The following CACNB2 variants were observed in gnomAD, a reference collection of about 807,000 sequenced individuals.
CACNB2 encodes voltage-dependent L-type calcium channel subunit beta-2.
Under a neutral mutation model 73.3 loss-of-function variants are expected in CACNB2, and 42 were observed. The observed-to-expected ratio is 0.57, with a 90% CI of 0.45 to 0.74. The LOEUF (loss-of-function observed/expected upper bound fraction) is 0.74. Among genes scored for constraint, CACNB2 ranks in the 30% least tolerant of loss-of-function variants. CACNB2 has a pLI of 0.00. For synonymous variants in CACNB2, 348 were observed against 310.3 expected (o/e 1.12, Z -1.28); for missense variants, 940 against 853.0 (o/e 1.10, Z -1.27).
chr10:18,222,239 T>A (rs1004152177), intron 2 of CACNB2, among the ~76,000 whole-genome samples: 2 of 152,170 alleles, frequency 1.3e-5, no homozygotes. Flanking sequence ...TTGTGTGAAA[T>A]TCTGTAGGAC....
intron 9 of CACNB2, among the ~76,000 whole-genome samples, chr10:18,525,135 A>G (rs962967556): frequency 8.6e-5 from 13 of 151,316 alleles, no homozygotes; most frequent in African/African-American, 2.9e-4. Flanking sequence ...TAATTTGTCT[A>G]TTTGAATCCC....
At chr10:18,509,079 T>A (rs2050631687) in intron 6 of CACNB2, among the ~76,000 whole-genome samples, 1 of 152,212 alleles carries the variant, frequency 6.6e-6, no homozygotes, top group Non-Finnish European at 1.5e-5. Flanking sequence ...CACTTGGAGC[T>A]ATAACCAACT....
intron 2 of CACNB2, among the ~76,000 whole-genome samples, chr10:18,159,202 T>C (rs1400994904): frequency 6.6e-6 from 1 of 152,038 alleles, no homozygotes; most frequent in South Asian, 2.1e-4. Flanking sequence ...TTCCACAGCA[T>C]GGCCATTTTC....
chr10:18,392,309 T>G (rs1324410619), intron 2 of CACNB2, among the ~76,000 whole-genome samples: 1 of 152,042 alleles, frequency 6.6e-6, no homozygotes, highest in African/African-American at 2.4e-5. Flanking sequence ...TTCTTGGAAG[T>G]CAAGTTGAGA....
intron 2 of CACNB2, among the ~76,000 whole-genome samples, chr10:18,366,464 CAA>C (rs58231666): frequency 0.08 from 7,914 of 99,462 alleles, 244 homozygotes; most frequent in Admixed American, 0.17. Flanking sequence ...GACTCCGTCT[CAA>C]AAAAAAAAAA....
rs1330331021 is a variant in CACNB2, at chr10:18,480,256, C to G, written c.334-18099C>G. 2.1e-5 allele frequency among the ~76,000 whole-genome samples: 3 copies of G among 145,006 alleles called. No individual in the cohort carries two copies. In the East Asian group the frequency reaches 6.5e-4, roughly 31 times the overall value. ...TTAATTACTCAAATTATTTGAGGATCACAATTCACTTTTAATTGTTTTTTT... is the reference window on the plus strand; with the variant it reads ...TTAATTACTCAAATTATTTGAGGATGACAATTCACTTTTAATTGTTTTTTT... On this transcript the variant is annotated intron_variant, in intron 3 of 13. Transcript: ENST00000324631.
chr10:18,301,850 T>C (rs1656863635), intron 2 of CACNB2, among the ~76,000 whole-genome samples: 1 of 151,884 alleles, frequency 6.6e-6, no homozygotes, highest in Non-Finnish European at 1.5e-5. Flanking sequence ...GGTTTCACCA[T>C]GTTGGCCAGG....
intron 2 of CACNB2, among the ~76,000 whole-genome samples, chr10:18,293,244 A>G (rs890866756): frequency 1.3e-5 from 2 of 152,170 alleles, no homozygotes; most frequent in Admixed American, 6.5e-5. Flanking sequence ...TTTTGTCTTC[A>G]TATTATTGTT....
chr10:18,211,864 CT>C (rs11352723), intron 2 of CACNB2, among the ~76,000 whole-genome samples: 133,032 of 150,536 alleles, frequency 0.88, 58,923 homozygotes, highest in African/African-American at 0.91. Context: ...TACGTGGTTT[CT>C]TTTTTTTTTT....
chr10:18,219,772 AT>A lies in CACNB2; in HGVS notation c.213+68812del, dbSNP rs55812855. On this transcript the variant is annotated intron_variant, in intron 2 of 13. Transcript: ENST00000324631. ...CTGGCTTTTCTCTGGCAAATCTTTC[AT>A]TTTTTTTTTTTTTTGAGACAGAGTC... 5.0e-3 allele frequency among the ~76,000 whole-genome samples: 690 copies of A among 137,440 alleles called. 3 individuals are homozygous for A. Among genetic ancestry groups the A allele is most frequent in the African/African-American group, 8.3e-3 (311 of 37,472 alleles). 90.2% of individuals were successfully genotyped at this position (137,440 alleles called of 152,430 possible). A position where few individuals can be genotyped will look rare whatever the true frequency, so the allele number is the denominator to read the frequency against.
intron 2 of CACNB2, among the ~76,000 whole-genome samples, chr10:18,209,990 A>G (rs1281686368): frequency 1.3e-5 from 2 of 152,194 alleles, no homozygotes; most frequent in African/African-American, 2.4e-5. Context: ...GTATTTCTGA[A>G]TACTACTGGG....
At chr10:18,350,387 G>T (rs2041656818) in intron 2 of CACNB2, among the ~76,000 whole-genome samples, 1 of 152,216 alleles carries the variant, frequency 6.6e-6, no homozygotes, top group African/African-American at 2.4e-5. Context: ...TCCCACAGGT[G>T]TCCGTGGAAA....
chr10:18,140,624 GCCTGAGCCCTGGGCGGCCC>G lies in CACNB2; in HGVS notation c.-110_-92del. ...GGGGCGCTGCGCCGAGAACGGCCGGGCCTGAGCCCTGGGCGGCCCCCAGAGCCGATCAGAGCGCGGGGAG... is the reference window on the plus strand; with the variant it reads ...GGGGCGCTGCGCCGAGAACGGCCGGGCCAGAGCCGATCAGAGCGCGGGGAG... On this transcript the variant is annotated 5_prime_UTR_variant, in exon 1 of 14. Coordinates refer to ENST00000324631, the MANE Select transcript of CACNB2 (RefSeq NM_201596.3). 1.1e-6 allele frequency: 1 copy of G among 890,758 alleles called. No homozygotes were observed. The allele number at this position is 890,758 out of a possible 1,614,324, so 55.2% of individuals were successfully genotyped here.
In CACNB2 at chr10:18,140,714, C is replaced by T. The variant is rs1293358469; in HGVS notation, c.-23C>T. The T allele has an allele frequency of 6.3e-7, 1 of 1,581,092 alleles. No homozygotes were observed. The highest frequency in any genetic ancestry group is 2.3e-5 in the East Asian group (1 of 43,666). ...ACCCGCCGCCGGGGGCTGGCTGCTT[C>T]GCTCCGAGCCGACTTTTCGCCAATG... On this transcript the variant is annotated 5_prime_UTR_variant, in exon 1 of 14. Coordinates refer to ENST00000324631, the MANE Select transcript of CACNB2 (RefSeq NM_201596.3).
chr10:18,394,378 T>C (rs996117573), intron 2 of CACNB2, among the ~76,000 whole-genome samples: 12 of 152,218 alleles, frequency 7.9e-5, no homozygotes, highest in Non-Finnish European at 1.8e-4. Context: ...GAAATGGCTA[T>C]ACCTATGACC....
intron 2 of CACNB2, among the ~76,000 whole-genome samples, chr10:18,228,741 AT>A (rs66498614): frequency 0.74 from 111,721 of 150,762 alleles, 41,906 homozygotes; most frequent in Non-Finnish European, 0.81. Flanking sequence ...CTCTTAATGG[AT>A]TTTTTTTTTC....
chr10:18,379,747 TGCG>T (rs1331618273), intron 2 of CACNB2, among the ~76,000 whole-genome samples: 1 of 152,280 alleles, frequency 6.6e-6, no homozygotes, highest in South Asian at 2.1e-4. Context: ...AGTGCAGTGA[TGCG>T]ATCATAGCAC....
intron 2 of CACNB2, among the ~76,000 whole-genome samples, chr10:18,270,384 C>G (rs61844249): frequency 6.6e-6 from 1 of 151,900 alleles, no homozygotes; most frequent in Non-Finnish European, 1.5e-5. Flanking sequence ...CTATCAGCAG[C>G]CTCCTAACTG....
rs142659790 is a variant in CACNB2, at chr10:18,513,912, C to T, written c.671-324C>T. Among the ~76,000 whole-genome samples, 382 of 152,268 alleles carry T rather than the reference C, an allele frequency of 2.5e-3. 3 individuals are homozygous for T. The highest frequency in any genetic ancestry group is 8.8e-3 in the African/African-American group (367 of 41,570). Reference sequence around the variant, plus strand: ...ATGAAGTCAAATGTTCTGTACTGCACTTTTATACAGTTGATACAGAGAAAA... The same window carrying T: ...ATGAAGTCAAATGTTCTGTACTGCATTTTTATACAGTTGATACAGAGAAAA... On this transcript the variant is annotated intron_variant, in intron 6 of 13. Transcript: ENST00000324631.
Sources: gnomAD v4.1 joint callset for allele counts (sites outside exome capture counted in the v4.1 genomes callset) on GRCh38, gnomAD v4.1.1 for gene constraint, MANE v1.5 for transcripts, NCBI Gene and HGNC (gene_info 2026-07-23, HGNC 2026-07-21) for gene names.